Variants in AGAP3 observed in about 807,000 individuals in gnomAD.
AGAP3 encodes the protein arf-GAP with GTPase, ANK repeat and PH domain-containing protein 3.
In AGAP3, 24 loss-of-function variants were observed where a neutral mutation model predicts 96.9. That is an observed-to-expected ratio of 0.25 (90% CI 0.18 to 0.35). The LOEUF (loss-of-function observed/expected upper bound fraction) is 0.35, where lower values mean the gene tolerates loss of function less well. Ranked by LOEUF, AGAP3 falls within the 10% of genes least tolerant of loss-of-function variation. The pLI is 1.00. For synonymous variants in AGAP3, 563 were observed against 536.1 expected (o/e 1.05, Z -0.69); for missense variants, 876 against 1,254.2 (o/e 0.70, Z 4.55).
In AGAP3 at chr7:151,096,454, C is replaced by T. The variant is rs1798607002; in HGVS notation, c.331+9382C>T. Among the ~76,000 whole-genome samples the T allele has an allele frequency of 6.6e-6, 1 of 151,954 alleles. No homozygotes were observed. On this transcript the variant is annotated intron_variant, in intron 1 of 17. Transcript: ENST00000397238. The surrounding 1 kb of genome is among the most constrained non-coding windows in gnomAD (Gnocchi z 4.4). Reference sequence around the variant, plus strand: ...GTGCAGTAGACATGGGCGAGTCACACGTGTGAACTTAAATTTTCTTTTCTT... The same window carrying T: ...GTGCAGTAGACATGGGCGAGTCACATGTGTGAACTTAAATTTTCTTTTCTT...
chr7:151,094,537 C>T (rs1798523201), intron 1 of AGAP3, among the ~76,000 whole-genome samples: 1 of 151,408 alleles, frequency 6.6e-6, no homozygotes, highest in South Asian at 2.1e-4. Flanking sequence ...ACTTTGATTA[C>T]TAGTTGATCA....
Position 151,108,327 on chromosome 7 carries a change from G to A in AGAP3, c.332-8466G>A, listed in dbSNP as rs532391138. Among the ~76,000 whole-genome samples the A allele has an allele frequency of 8.5e-5, 13 of 152,254 alleles. No individual in the cohort carries two copies. Among genetic ancestry groups the A allele is most frequent in the South Asian group, 2.1e-4 (1 of 4,818 alleles). ...ACCGCCATGTCACCGGCCTGGTGTC[G>A]AAAGGCCATTTTCGGCTGGAATGAC... On this transcript the variant is annotated intron_variant, in intron 1 of 17. Coordinates refer to ENST00000397238, the MANE Select transcript of AGAP3 (RefSeq NM_031946.7). This position sits in a 1 kb window ranked among gnomAD's most constrained non-coding sequence, Gnocchi z 4.2.
At chr7:151,116,630 C>T (rs1563470576) in intron 1 of AGAP3, 163 bp from the exon 2 acceptor site, 2 of 722,086 alleles carry the variant, frequency 2.8e-6, no homozygotes, top group Admixed American at 4.4e-5. Context: ...AACCTTCCCA[C>T]TGCCTCCTGG....
rs760647779 is a variant in AGAP3 at position 151,118,194 on chromosome 7, C to G, written c.707-16C>G. 1 of 1,597,656 alleles carries G rather than the reference C, an allele frequency of 6.3e-7. No individual in the cohort carries two copies. The highest frequency in any genetic ancestry group is 1.1e-5 in the South Asian group (1 of 89,916). ...CTCCGAAAGCTGAATGACTCCCGCC[C>G]TCCCACCTCCAACAGATGCCATCAG... On this transcript the variant is annotated splice_polypyrimidine_tract_variant and intron_variant, in intron 5 of 17. Coordinates refer to ENST00000397238, the MANE Select transcript of AGAP3 (RefSeq NM_031946.7). This position sits in a 1 kb window ranked among gnomAD's most constrained non-coding sequence, Gnocchi z 6.1.
intron 1 of AGAP3, among the ~76,000 whole-genome samples, chr7:151,087,411 G>C (rs1422967846): frequency 2.0e-5 from 3 of 152,296 alleles, no homozygotes; most frequent in Admixed American, 1.3e-4. Context: ...GGTCGTGACC[G>C]GGGAGGCTTC....
chr7:151,122,636 G>A (rs1183363400), intron 8 of AGAP3: 24 of 1,514,768 alleles, frequency 1.6e-5, no homozygotes, highest in East Asian at 7.1e-5. Context: ...CTCCCCAGGC[G>A]CCTGGGTCTC....
intron 1 of AGAP3, among the ~76,000 whole-genome samples, chr7:151,112,985 C>T (rs1799361576): frequency 1.3e-5 from 2 of 152,300 alleles, no homozygotes; most frequent in Non-Finnish European, 2.9e-5. Flanking sequence ...CCGCCTGCCT[C>T]AGCCTCCCAA....
At chr7:151,129,868 A>G (rs1431572350) in intron 10 of AGAP3, among the ~76,000 whole-genome samples, 1 of 152,210 alleles carries the variant, frequency 6.6e-6, no homozygotes, top group African/African-American at 2.4e-5. Context: ...ACAGCCCTAC[A>G]CTAAAGGAAG....
At chr7:151,109,088 A>T (rs1799172787) in intron 1 of AGAP3, among the ~76,000 whole-genome samples, 2 of 151,878 alleles carry the variant, frequency 1.3e-5, no homozygotes, top group African/African-American at 4.8e-5. Flanking sequence ...AGCACTTTGG[A>T]AGGTCAAGGC....
At chr7:151,136,239 G>A (rs188271615) in intron 11 of AGAP3, 1 of 152,370 alleles carries the variant, frequency 6.6e-6, no homozygotes, top group Admixed American at 6.5e-5. Flanking sequence ...GGAGCCAGAG[G>A]ACAGCTGGGC....
Position 151,143,062 on chromosome 7 carries a change from C to T in AGAP3, c.2274-279C>T, listed in dbSNP as rs1800882029. ...CAACACGGGCCTGCCTGGAATCTTC[C>T]TGCCCTCTCAGCCCCCGCATCCCCA... On this transcript the variant is annotated intron_variant, in intron 16 of 17. Transcript: ENST00000397238. This position sits in a 1 kb window ranked among gnomAD's most constrained non-coding sequence, Gnocchi z 5.9. Among the ~76,000 whole-genome samples, 1 of 152,198 alleles carries T rather than the reference C, an allele frequency of 6.6e-6. No homozygotes were observed. The highest frequency in any genetic ancestry group is 6.5e-5 in the Admixed American group (1 of 15,282).
At position 151,086,875 on chromosome 7, in the gene AGAP3, G is replaced by C. The variant is rs1798176409; in HGVS notation, c.134G>C (p.Gly45Ala). 3 of 1,237,350 alleles carry C rather than the reference G, an allele frequency of 2.4e-6. No individual in the cohort carries two copies. Among genetic ancestry groups the C allele is most frequent in the Non-Finnish European group, 2.0e-6 (2 of 978,612 alleles). 76.6% of individuals were successfully genotyped at this position (1,237,350 alleles called of 1,614,324 possible). A position where few individuals can be genotyped will look rare whatever the true frequency, so the allele number is the denominator to read the frequency against. ...GGCGGCGCGGGGCCCGGGGCCGGGG[G>C]CGGCGGCGGCCCCTCGCAGCAGCTG... ...QFGGAGPGAG[G>A]GGGPSQQLAG... Residue 45 changes from glycine (G) to alanine (A), a missense_variant, in exon 1 of 18, where the codon GGC (glycine) becomes GCC (alanine). Coordinates refer to ENST00000397238, the MANE Select transcript of AGAP3 (RefSeq NM_031946.7).
chr7:151,141,714 CTTGCA>C lies in AGAP3; in HGVS notation c.1805-183_1805-179del. 1 of 661,778 alleles carries C rather than the reference CTTGCA, an allele frequency of 1.5e-6. No homozygotes were observed. The highest frequency in any genetic ancestry group is 2.6e-6 in the Non-Finnish European group (1 of 382,166). The allele number at this position is 661,778 out of a possible 1,614,324, so 41.0% of individuals were successfully genotyped here. A position where few individuals can be genotyped will look rare whatever the true frequency, so the allele number is the denominator to read the frequency against. ...ATGAGAACTGGGAGCTCACACTAGT[CTTGCA>C]GGTTTACTCTGGCCTCCCCCTGCAA... On this transcript the variant is annotated intron_variant, in intron 13 of 17. Coordinates refer to ENST00000397238, the MANE Select transcript of AGAP3 (RefSeq NM_031946.7). The surrounding 1 kb of genome is among the most constrained non-coding windows in gnomAD (Gnocchi z 4.2).
rs1800900590 is a variant in AGAP3 at position 151,143,446 on chromosome 7, G to T, written c.2379G>T (p.Val793=). Residue 793 remains valine (V), a synonymous_variant, in exon 17 of 18, where the codon GTG becomes GTT. Coordinates refer to ENST00000397238, the MANE Select transcript of AGAP3 (RefSeq NM_031946.7). This position sits in a 1 kb window ranked among gnomAD's most constrained non-coding sequence, Gnocchi z 5.9. The part of the protein sequence containing the change: ...VPLGQQLLRA[V]VEDDLRLLVM... ...TGGGGCAGCAGCTGCTCCGGGCCGT[G>T]GTGGAAGATGACCTGCGGCTGTTGG... 2 of 1,614,208 alleles carry T rather than the reference G, an allele frequency of 1.2e-6. No homozygotes were observed. Among genetic ancestry groups the T allele is most frequent in the East Asian group, 4.5e-5 (2 of 44,882 alleles).
At position 151,142,743 on chromosome 7, in the gene AGAP3, C is replaced by T; in HGVS notation, c.2273+109C>T. 3 of 1,214,384 alleles carry T rather than the reference C, an allele frequency of 2.5e-6. No homozygotes were observed. Among genetic ancestry groups the T allele is most frequent in the Non-Finnish European group, 3.4e-6 (3 of 875,760 alleles). 75.2% of individuals were successfully genotyped at this position (1,214,384 alleles called of 1,614,324 possible). On this transcript the variant is annotated intron_variant, in intron 16 of 17. Coordinates refer to ENST00000397238, the MANE Select transcript of AGAP3 (RefSeq NM_031946.7). This position sits in a 1 kb window ranked among gnomAD's most constrained non-coding sequence, Gnocchi z 7.5. ...ATGGTATTAGAAGGGTTAAAACTGT[C>T]TGTTGCTCTGCTTGGCAGTTGGCCC...
rs1033506921 is a variant in AGAP3 at position 151,086,581 on chromosome 7, C to T, written c.-161C>T. On this transcript the variant is annotated 5_prime_UTR_variant, in exon 1 of 18. Transcript: ENST00000397238. ...GGCGGCGCCTCCTGGCCTCGGCCTC[C>T]GGCCCCCGGCCCCCGGCTCCATGCG... 3.3e-4 allele frequency among the ~76,000 whole-genome samples: 49 copies of T among 147,000 alleles called. No individual in the cohort carries two copies. The highest frequency in any genetic ancestry group is 1.1e-3 in the African/African-American group (44 of 41,006).
In AGAP3 at chr7:151,142,317, G is replaced by A; in HGVS notation, c.2050+64G>A. On this transcript the variant is annotated intron_variant, in intron 15 of 17. Transcript: ENST00000397238. The surrounding 1 kb of genome is among the most constrained non-coding windows in gnomAD (Gnocchi z 7.5). ...CCCAGGGAAAGCTTCGCAAGCATCA[G>A]GGAGCAGGGAAGAGGGCAGGGAAGC... 1 of 1,601,220 alleles carries A rather than the reference G, an allele frequency of 6.2e-7. No homozygotes were observed. Among genetic ancestry groups the A allele is most frequent in the Non-Finnish European group, 8.5e-7 (1 of 1,171,950 alleles).
intron 8 of AGAP3, chr7:151,123,362 CGCTCGGTGCCACGT>C (rs1005265961): frequency 1.9e-6 from 2 of 1,045,984 alleles, no homozygotes; most frequent in Non-Finnish European, 2.3e-6. Flanking sequence ...CACGCCGACG[CGCTCGGTGCCACGT>C]GCCGTGTGGT....
rs1026088066 is a variant in AGAP3, at chr7:151,142,969, G to T, written c.2273+335G>T. Among the ~76,000 whole-genome samples, 1 of 152,178 alleles carries T rather than the reference G, an allele frequency of 6.6e-6. No homozygotes were observed. The highest frequency in any genetic ancestry group is 2.4e-5 in the African/African-American group (1 of 41,446). On this transcript the variant is annotated intron_variant, in intron 16 of 17. Transcript: ENST00000397238. This position sits in a 1 kb window ranked among gnomAD's most constrained non-coding sequence, Gnocchi z 7.5. The stretch of plus-strand genomic sequence containing the variant: ...AGATAGGGGAGTGTGTGGCCCCCCA[G>T]TGCAGGCCCCCACCCGCTTTGTTCC...
Sources: allele counts gnomAD v4.1 joint callset (sites outside exome capture counted in the v4.1 genomes callset), GRCh38; gene constraint gnomAD v4.1.1; non-coding constraint Gnocchi (gnomAD v3.1); transcripts MANE v1.5; gene names NCBI Gene and HGNC (gene_info 2026-07-23, HGNC 2026-07-21).